The following SNTG1 variants were observed in gnomAD, a reference collection of about 807,000 sequenced individuals.
SNTG1 encodes gamma-1-syntrophin.
SNTG1 carries 39 observed loss-of-function variants against 74.7 expected under a neutral mutation model. The ratio of observed to expected loss-of-function variants is 0.52; its 90% CI spans 0.40 to 0.68. SNTG1 has a LOEUF of 0.68. Ranked by LOEUF, SNTG1 falls within the 30% of genes least tolerant of loss-of-function variation. The probability of loss-of-function intolerance (pLI) is 0.00; values close to 1 mark genes in which losing one functional copy is unlikely to be tolerated. For missense variants in SNTG1, 685 were observed against 609.5 expected (o/e 1.12, Z -1.30); for synonymous variants, 254 against 217.1 (o/e 1.17, Z -1.49).
chr8:50,481,338 G>A (rs1038461616), intron 8 of SNTG1, among the ~76,000 whole-genome samples: 1 of 152,100 alleles, frequency 6.6e-6, no homozygotes, highest in African/African-American at 2.4e-5. Flanking sequence ...CGGAGATCAC[G>A]CCATTGCACT....
intron 2 of SNTG1, among the ~76,000 whole-genome samples, chr8:50,275,242 AGT>A (rs1491549198): frequency 6.6e-6 from 1 of 152,188 alleles, no homozygotes; most frequent in Non-Finnish European, 1.5e-5. Context: ...ACACTCTAAT[AGT>A]GTTTGTCTTT....
intron 12 of SNTG1, among the ~76,000 whole-genome samples, chr8:50,560,927 A>G (rs1410816719): frequency 1.3e-5 from 2 of 152,256 alleles, no homozygotes; most frequent in African/African-American, 2.4e-5. Flanking sequence ...TGACATAATT[A>G]GAATATTTCT....
chr8:50,722,124 A>G (rs998137305), intron 17 of SNTG1, among the ~76,000 whole-genome samples: 4 of 151,910 alleles, frequency 2.6e-5, no homozygotes, highest in African/African-American at 7.3e-5. Context: ...GTATGTATAT[A>G]TATACATATA....
At chr8:50,388,241 G>A (rs563141291) in intron 2 of SNTG1, among the ~76,000 whole-genome samples, 5 of 152,108 alleles carry the variant, frequency 3.3e-5, no homozygotes, top group South Asian at 2.1e-4. Context: ...CCATGGTTAA[G>A]AGCAAACAAC....
intron 2 of SNTG1, among the ~76,000 whole-genome samples, chr8:50,273,815 C>A (rs2087923147): frequency 1.3e-5 from 2 of 151,938 alleles, no homozygotes; most frequent in East Asian, 3.9e-4. Flanking sequence ...TGACTGAAGC[C>A]AAAGAGGGAG....
Position 50,349,335 on chromosome 8 carries a change from A to G in SNTG1, c.-27-44877A>G, listed in dbSNP as rs146225642. ...AAAGATTCCATAGTCTAGTAGGACA[A>G]ATTTGCAAGGAAAGTTAGTTTTTTA... is the stretch of plus-strand genomic sequence containing the variant. On this transcript the variant is annotated intron_variant, in intron 2 of 18. Coordinates refer to ENST00000642720, the MANE Select transcript of SNTG1 (RefSeq NM_018967.5). Among the ~76,000 whole-genome samples the G allele has an allele frequency of 1.2e-3, 179 of 152,304 alleles. 1 individual carries two copies. Among genetic ancestry groups the G allele is most frequent in the African/African-American group, 3.9e-3 (162 of 41,568 alleles).
intron 13 of SNTG1, among the ~76,000 whole-genome samples, chr8:50,612,521 A>C (rs1440396773): frequency 6.6e-6 from 1 of 152,232 alleles, no homozygotes; most frequent in African/African-American, 2.4e-5. Flanking sequence ...TAGACTATAT[A>C]TTAGAAAAGA....
intron 4 of SNTG1, among the ~76,000 whole-genome samples, chr8:50,422,990 G>A (rs1241212741): frequency 6.6e-6 from 1 of 152,182 alleles, no homozygotes; most frequent in Non-Finnish European, 1.5e-5. Context: ...GAAAGTTAAA[G>A]GCAGGAGGTG....
intron 4 of SNTG1, among the ~76,000 whole-genome samples, chr8:50,435,652 C>G (rs2093294303): frequency 6.6e-6 from 1 of 152,160 alleles, no homozygotes; most frequent in Non-Finnish European, 1.5e-5. Flanking sequence ...TTTTAAAACA[C>G]TAAGTAACTT....
chr8:50,540,870 C>G (rs2130456517), intron 11 of SNTG1, among the ~76,000 whole-genome samples: 1 of 151,918 alleles, frequency 6.6e-6, no homozygotes, highest in East Asian at 1.9e-4. Context: ...ATTAGTCTTA[C>G]TGTATAAAAT....
intron 13 of SNTG1, among the ~76,000 whole-genome samples, chr8:50,640,038 A>T (rs10958002): frequency 0.87 from 133,065 of 152,176 alleles, 58,482 homozygotes; most frequent in African/African-American, 0.95. Flanking sequence ...CCACCAAAAA[A>T]GAATTTGACA....
chr8:50,188,829 C>G (rs1007635624), intron 2 of SNTG1, among the ~76,000 whole-genome samples: 1 of 152,066 alleles, frequency 6.6e-6, no homozygotes, highest in Non-Finnish European at 1.5e-5. Flanking sequence ...GGCCTTGATC[C>G]CAAATCCTAA....
intron 2 of SNTG1, among the ~76,000 whole-genome samples, chr8:50,330,270 ATC>A (rs2090912196): frequency 6.6e-6 from 1 of 151,948 alleles, no homozygotes; most frequent in Non-Finnish European, 1.5e-5. Context: ...ATGAGAAAGG[ATC>A]TGTTTGTTTC....
At chr8:50,105,762 A>C (rs1308268710) in intron 1 of SNTG1, among the ~76,000 whole-genome samples, 10 of 152,036 alleles carry the variant, frequency 6.6e-5, no homozygotes, top group Admixed American at 2.0e-4. Context: ...GGTTAGCTGT[A>C]TTCCTAGGTA....
chr8:50,219,536 C>T (rs921060073), intron 2 of SNTG1, among the ~76,000 whole-genome samples: 9 of 152,032 alleles, frequency 5.9e-5, no homozygotes, highest in Admixed American at 4.6e-4. Flanking sequence ...GGAAGCATGG[C>T]TGGGGAGGCC....
At chr8:50,578,121 GAC>G (rs2094587259) in intron 12 of SNTG1, among the ~76,000 whole-genome samples, 1 of 152,180 alleles carries the variant, frequency 6.6e-6, no homozygotes, top group African/African-American at 2.4e-5. Flanking sequence ...AAATGAATAA[GAC>G]ACATGTCTCT....
At chr8:50,280,715 G>T (rs552177299) in intron 2 of SNTG1, among the ~76,000 whole-genome samples, 1 of 152,154 alleles carries the variant, frequency 6.6e-6, no homozygotes, top group Admixed American at 6.5e-5. Context: ...CAGTAGAAAG[G>T]AGTGTCTCAG....
At chr8:50,380,502 T>C (rs1346032013) in intron 2 of SNTG1, among the ~76,000 whole-genome samples, 1 of 152,188 alleles carries the variant, frequency 6.6e-6, no homozygotes, top group Non-Finnish European at 1.5e-5. Context: ...AGCAGAACAT[T>C]ATAGAGACTT....
At chr8:50,779,629 T>A (rs542315116) in intron 18 of SNTG1, among the ~76,000 whole-genome samples, 46 of 152,264 alleles carry the variant, frequency 3.0e-4, no homozygotes, top group Admixed American at 2.8e-3. Flanking sequence ...TTTCTAGATA[T>A]ACAATCATGT....
Sources: gnomAD v4.1 joint callset for allele counts (sites outside exome capture counted in the v4.1 genomes callset) on GRCh38, gnomAD v4.1.1 for gene constraint, MANE v1.5 for transcripts, NCBI Gene and HGNC (gene_info 2026-07-23, HGNC 2026-07-21) for gene names.